MRPL38: variants seen among roughly 807,000 people sequenced by gnomAD.
MRPL38 encodes large ribosomal subunit protein mL38.
MRPL38 carries 51 observed loss-of-function variants against 52.1 expected under a neutral mutation model. The ratio of observed to expected loss-of-function variants is 0.98; its 90% CI spans 0.78 to 1.24. MRPL38 has a LOEUF of 1.24. MRPL38 is among the 50% of genes most tolerant of loss of function. The pLI, the probability that MRPL38 is intolerant of heterozygous loss-of-function variation, is 0.00. For synonymous variants in MRPL38, 245 were observed against 212.7 expected (o/e 1.15, Z -1.32); for missense variants, 527 against 518.6 (o/e 1.02, Z -0.16).
At position 75,904,595 on chromosome 17, in the gene MRPL38, C is replaced by T. The variant is rs1483447429; in HGVS notation, c.192G>A (p.Glu64=). The T allele has an allele frequency of 1.3e-6, 2 of 1,591,896 alleles. No individual in the cohort carries two copies. The highest frequency in any genetic ancestry group is 1.7e-6 in the Non-Finnish European group (2 of 1,176,366). Residue 64 remains glutamate, a synonymous_variant, in exon 2 of 9, where the codon GAG becomes GAA. Coordinates refer to ENST00000309352, the MANE Select transcript of MRPL38 (RefSeq NM_032478.4). ...TCCGCCACCAGTGCGGGGCCTGCGC[C>T]TCCTGCTCTGCTCGGCGCCGGTAGC... is the stretch of plus-strand genomic sequence containing the variant. ...FDRYRRRAEQ[E]AQAPHWWRTY...
At chr17:75,903,513 T>A (rs1160919471) in intron 2 of MRPL38, among the ~76,000 whole-genome samples, 6 of 152,190 alleles carry the variant, frequency 3.9e-5, no homozygotes, top group Admixed American at 3.9e-4. Flanking sequence ...CTCACAGCAA[T>A]TTTGTAGCAA....
Position 75,899,630 on chromosome 17 carries a change from C to T in MRPL38, c.755G>A (p.Cys252Tyr). The part of the protein sequence containing the change: ...GNRVAEGQVT[C>Y]PYLPPFPARG... ...GGCAGGGAAGGGGGGGAGGTAGGGA[C>T]ACGTCACCTGTCCTTCAGCCACCCG... Residue 252 changes from cysteine (C) to tyrosine (Y), a missense_variant, in exon 7 of 9, where the codon TGT becomes TAT. Transcript: ENST00000309352. The T allele has an allele frequency of 1.2e-6, 2 of 1,601,292 alleles. No homozygotes were observed. The highest frequency in any genetic ancestry group is 1.7e-6 in the Non-Finnish European group (2 of 1,173,048).
chr17:75,904,343 A>C, intron 2 of MRPL38, 197 bp downstream of exon 2: 1 of 724,358 alleles, frequency 1.4e-6, no homozygotes, highest in Non-Finnish European at 2.5e-6. Flanking sequence ...ATTTTCCAAG[A>C]ATGAGGTGCA....
At position 75,899,359 on chromosome 17, in the gene MRPL38, C is replaced by T. The variant is rs982494323; in HGVS notation, c.870-65G>A. The T allele has an allele frequency of 1.9e-6, 3 of 1,574,890 alleles. No individual in the cohort carries two copies. The African/African-American group carries it at 4.1e-5, about 21-fold the overall frequency. ...GCACCAGAGCCCCTCACCCCGCCAC[C>T]CCAACAGGTAACCCTGAGAGGCCCC... On this transcript the variant is annotated intron_variant, in intron 7 of 8. Coordinates refer to ENST00000309352, the MANE Select transcript of MRPL38 (RefSeq NM_032478.4).
chr17:75,903,398 T>A (rs887494429), intron 2 of MRPL38, among the ~76,000 whole-genome samples: 1 of 152,160 alleles, frequency 6.6e-6, no homozygotes, highest in African/African-American at 2.4e-5. Context: ...AGAGCGAGCC[T>A]CTGCCTTAAA....
At position 75,901,662 on chromosome 17, in the gene MRPL38, G is replaced by A. The variant is rs371796959; in HGVS notation, c.591+50C>T. 16 of 1,498,006 alleles carry A rather than the reference G, an allele frequency of 1.1e-5. No individual in the cohort carries two copies. The highest frequency in any genetic ancestry group is 2.3e-5 in the East Asian group (1 of 44,166). 92.8% of individuals were successfully genotyped at this position (1,498,006 alleles called of 1,614,324 possible). A position where few individuals can be genotyped will look rare whatever the true frequency, so the allele number is the denominator to read the frequency against. On this transcript the variant is annotated intron_variant, in intron 4 of 8. Coordinates refer to ENST00000309352, the MANE Select transcript of MRPL38 (RefSeq NM_032478.4). The surrounding 1 kb of genome is among the most constrained non-coding windows in gnomAD (Gnocchi z 5.7). ...AGTGTCTGTGACACTGAGATGGGATGTGTCTGTGTTTGCACAGGGCAGGGA... is the reference window on the plus strand; with the variant it reads ...AGTGTCTGTGACACTGAGATGGGATATGTCTGTGTTTGCACAGGGCAGGGA...
At chr17:75,899,395 C>G in intron 7 of MRPL38, 101 bp from the exon 8 acceptor site, 1 of 1,518,556 alleles carries the variant, frequency 6.6e-7, no homozygotes, top group Non-Finnish European at 8.9e-7. Context: ...TGGGAGTCTG[C>G]TAGCACCCTA....
Position 75,901,311 on chromosome 17 carries a change from G to A in MRPL38, c.592-38C>T, listed in dbSNP as rs763138765. The A allele has an allele frequency of 5.6e-6, 9 of 1,601,418 alleles. No homozygotes were observed. The highest frequency in any genetic ancestry group is 2.7e-5 in the African/African-American group (2 of 74,658). ...GAAGGAAGCTGTCAGCCCCACCAGG[G>A]ACAGGCCAGCTGTTGCAGGGAGCCT... is the stretch of plus-strand genomic sequence containing the variant. On this transcript the variant is annotated intron_variant, in intron 4 of 8. Coordinates refer to ENST00000309352, the MANE Select transcript of MRPL38 (RefSeq NM_032478.4). This position sits in a 1 kb window ranked among gnomAD's most constrained non-coding sequence, Gnocchi z 5.7.
chr17:75,904,712 C>T lies in MRPL38; in HGVS notation c.75G>A (p.Leu25=). The T allele has an allele frequency of 2.5e-6, 4 of 1,585,250 alleles. No homozygotes were observed. The highest frequency in any genetic ancestry group is 1.7e-4 in the Middle Eastern group (1 of 5,852). ...GCCCCAGCGGGGGTGTCCGGCGGCC[C>T]AGGACGGCTGCGGGCAGAGAGAAGA... The part of the protein sequence containing the change: ...RWRGFSTSAV[L]GRRTPPLGPM... The change falls in exon 2 of 9, where the codon CTG becomes CTA. Residue 25 remains leucine, a synonymous_variant. Coordinates refer to ENST00000309352, the MANE Select transcript of MRPL38 (RefSeq NM_032478.4).
chr17:75,899,813 G>A (rs1398379562), intron 6 of MRPL38, 139 bp from the exon 7 acceptor site: 9 of 691,284 alleles, frequency 1.3e-5, no homozygotes, highest in Middle Eastern at 9.1e-4. Flanking sequence ...GACAGAGGAG[G>A]CAGCCAAGCT....
chr17:75,904,402 G>A, intron 2 of MRPL38, 138 bp downstream of exon 2: 1 of 909,128 alleles, frequency 1.1e-6, no homozygotes, highest in Non-Finnish European at 1.8e-6. Context: ...AGCGCACACA[G>A]GTCTGCAGGC....
At position 75,901,060 on chromosome 17, in the gene MRPL38, A is replaced by C. The variant is rs562325314; in HGVS notation, c.665-33T>G. On this transcript the variant is annotated intron_variant, in intron 5 of 8. Coordinates refer to ENST00000309352, the MANE Select transcript of MRPL38 (RefSeq NM_032478.4). This position sits in a 1 kb window ranked among gnomAD's most constrained non-coding sequence, Gnocchi z 5.7. ...AAAACACACCTGCTGACCACGGCCC[A>C]GCCGACCACGGCCCTGCCACCCCCT... 1 of 1,606,918 alleles carries C rather than the reference A, an allele frequency of 6.2e-7. No individual in the cohort carries two copies. The highest frequency in any genetic ancestry group is 1.1e-5 in the South Asian group (1 of 90,014).
intron 7 of MRPL38, 71 bp downstream of exon 7, chr17:75,899,445 G>A: frequency 1.3e-6 from 2 of 1,525,140 alleles, no homozygotes; most frequent in East Asian, 2.3e-5. Flanking sequence ...GGTCAAGAGA[G>A]AACTGAGCAA....
At position 75,901,224 on chromosome 17, in the gene MRPL38, C is replaced by T; in HGVS notation, c.641G>A (p.Trp214Ter). The change falls in exon 5 of 9, where the codon TGG becomes TAG. Residue 214 changes from tryptophan (W) to a stop codon, truncating the protein, a stop_gained. Coordinates refer to ENST00000309352, the MANE Select transcript of MRPL38 (RefSeq NM_032478.4). LOFTEE classifies it high-confidence loss of function. The surrounding 1 kb of genome is among the most constrained non-coding windows in gnomAD (Gnocchi z 5.7). Reference sequence around the variant, plus strand: ...ACCCAAGCTAGTGAGTAGCAACGTCCACAAGGAGCCCTCTTCTGCCTCATA... The same window carrying T: ...ACCCAAGCTAGTGAGTAGCAACGTCTACAAGGAGCCCTCTTCTGCCTCATA... ...VTYEAEEGSLWTLLLTSLDGH... is the reference protein window; with the variant it reads ...VTYEAEEGSL The T allele has an allele frequency of 1.2e-6, 2 of 1,613,664 alleles. No homozygotes were observed. The highest frequency in any genetic ancestry group is 8.5e-7 in the Non-Finnish European group (1 of 1,179,852).
rs1051181497 is a variant in MRPL38, at chr17:75,901,892, G to A, written c.411C>T (p.Ala137=). Residue 137 remains alanine (A), a synonymous_variant, in exon 4 of 9, where the codon GCC becomes GCT. Transcript: ENST00000309352. The surrounding 1 kb of genome is among the most constrained non-coding windows in gnomAD (Gnocchi z 5.7). ...AGGGGCCACAGGTCCTCTCCCACTC[G>A]GCCCGCACGGCATCCAGCGGGACAC... ...TASVPLDAVR[A]EWERTCGPYH... 1.1e-5 allele frequency: 18 copies of A among 1,612,298 alleles called. No individual in the cohort carries two copies. Among genetic ancestry groups the A allele is most frequent in the Admixed American group, 6.7e-5 (4 of 59,884 alleles).
Position 75,899,534 on chromosome 17 carries a change from T to C in MRPL38, c.851A>G (p.Asp284Gly). The change falls in exon 7 of 9, where the codon GAC becomes GGC. Residue 284 changes from aspartate (D) to glycine (G), a missense_variant. Coordinates refer to ENST00000309352, the MANE Select transcript of MRPL38 (RefSeq NM_032478.4). The part of the protein sequence containing the change: ...KQDQPIDFSE[D>G]ARPSPCYQLA... ...AGATTACCAGGGTGAGGGGCGTGCGTCCTCAGAGAAGTCAATCGGCTGGTC... is the reference window on the plus strand; with the variant it reads ...AGATTACCAGGGTGAGGGGCGTGCGCCCTCAGAGAAGTCAATCGGCTGGTC... 6.3e-7 allele frequency: 1 copy of C among 1,593,130 alleles called. No homozygotes were observed. Among genetic ancestry groups the C allele is most frequent in the Non-Finnish European group, 8.6e-7 (1 of 1,166,632 alleles).
intron 6 of MRPL38, 70 bp from the exon 7 acceptor site, chr17:75,899,744 C>G: frequency 7.4e-7 from 1 of 1,351,620 alleles, no homozygotes; most frequent in South Asian, 1.6e-5. Context: ...CAGCTCCATG[C>G]ACACCCTAGA....
chr17:75,901,713 T>C lies in MRPL38; in HGVS notation c.590A>G (p.Glu197Gly). ...GGAGGGGCACAAGTGAGTGGTTACC[T>C]CGGTTGGAGTCACCTCATTGCCACA... is the stretch of plus-strand genomic sequence containing the variant. ...VYCGNEVTPT[E>G]AAQAPEVTYE... Residue 197 changes from glutamate to glycine, a missense_variant and splice_region_variant, in exon 4 of 9, where the codon GAG becomes GGG. Glu to Gly is a moderately conservative substitution (Grantham distance 98, BLOSUM62 -2). Coordinates refer to ENST00000309352, the MANE Select transcript of MRPL38 (RefSeq NM_032478.4). This position sits in a 1 kb window ranked among gnomAD's most constrained non-coding sequence, Gnocchi z 5.7. 2 of 1,613,678 alleles carry C rather than the reference T, an allele frequency of 1.2e-6. No individual in the cohort carries two copies. Among genetic ancestry groups the C allele is most frequent in the Non-Finnish European group, 1.7e-6 (2 of 1,179,784 alleles).
chr17:75,904,471 G>A (rs1230275580), intron 2 of MRPL38, 69 bp downstream of exon 2: 7 of 1,448,604 alleles, frequency 4.8e-6, no homozygotes, highest in Non-Finnish European at 5.5e-6. Context: ...CCCAGCGCCC[G>A]GGGAAAACGC....
Sources: gnomAD v4.1 joint callset for allele counts (sites outside exome capture counted in the v4.1 genomes callset) on GRCh38, gnomAD v4.1.1 for gene constraint, Gnocchi (gnomAD v3.1) non-coding constraint, MANE v1.5 for transcripts, NCBI Gene and HGNC (gene_info 2026-07-23, HGNC 2026-07-21) for gene names.